ZNF804A: variants seen among roughly 807,000 people sequenced by gnomAD.
ZNF804A encodes zinc finger protein 804A.
In ZNF804A, 2 loss-of-function variants were observed where a neutral mutation model predicts 16.5. That is an observed-to-expected ratio of 0.12 (90% CI 0.05 to 0.38). The LOEUF is 0.38. Ranked by LOEUF, ZNF804A falls within the 10% of genes least tolerant of loss-of-function variation. ZNF804A has a pLI of 0.99. For synonymous variants in ZNF804A, 534 were observed against 489.6 expected (o/e 1.09, Z -1.20); for missense variants, 1,473 against 1,390.7 (o/e 1.06, Z -0.94).
chr2:184,784,253 T>TG (rs1163329424), intron 1 of ZNF804A, among the ~76,000 whole-genome samples: 6 of 151,898 alleles, frequency 4.0e-5, no homozygotes, highest in Admixed American at 3.3e-4. Context: ...AGGAGAGTAT[T>TG]GTGTTTCAGA....
chr2:184,669,159 G>GT (rs1277635857), intron 1 of ZNF804A, among the ~76,000 whole-genome samples: 1 of 151,936 alleles, frequency 6.6e-6, no homozygotes, highest in Admixed American at 6.6e-5. Flanking sequence ...AGTTTATATA[G>GT]TAAAAAACAT....
chr2:184,895,183 T>C (rs1028274883), intron 2 of ZNF804A, among the ~76,000 whole-genome samples: 1 of 151,792 alleles, frequency 6.6e-6, no homozygotes, highest in African/African-American at 2.4e-5. Context: ...GAAGCATCGG[T>C]CTTTTTATGC....
intron 1 of ZNF804A, among the ~76,000 whole-genome samples, chr2:184,681,331 A>G (rs1692535484): frequency 1.3e-5 from 2 of 152,198 alleles, no homozygotes; most frequent in Admixed American, 6.5e-5. Flanking sequence ...AAAAATATTA[A>G]AAGATTCTTA....
At chr2:184,757,089 T>C (rs1300318749) in intron 1 of ZNF804A, among the ~76,000 whole-genome samples, 1 of 152,092 alleles carries the variant, frequency 6.6e-6, no homozygotes, top group Non-Finnish European at 1.5e-5. Flanking sequence ...CATATTAATT[T>C]ATCTTACATG....
At chr2:184,658,836 G>C (rs949402187) in intron 1 of ZNF804A, among the ~76,000 whole-genome samples, 1 of 152,132 alleles carries the variant, frequency 6.6e-6, no homozygotes, top group African/African-American at 2.4e-5. Context: ...ATGTTTTCAG[G>C]CAAAACAAAC....
chr2:184,771,284 G>T, intron 1 of ZNF804A, among the ~76,000 whole-genome samples: 1 of 151,886 alleles, frequency 6.6e-6, no homozygotes, highest in African/African-American at 2.4e-5. Context: ...GAAAATATCA[G>T]CAATGTATAG....
intron 1 of ZNF804A, among the ~76,000 whole-genome samples, chr2:184,854,890 T>G (rs1695663147): frequency 6.6e-6 from 1 of 151,972 alleles, no homozygotes; most frequent in South Asian, 2.1e-4. Context: ...ATAAATTGAA[T>G]AGAAATGTGA....
At chr2:184,849,842 A>T (rs1158904268) in intron 1 of ZNF804A, among the ~76,000 whole-genome samples, 1 of 152,056 alleles carries the variant, frequency 6.6e-6, no homozygotes, top group Non-Finnish European at 1.5e-5. Flanking sequence ...ATGAATGGAT[A>T]AAGAAAATGG....
chr2:184,643,175 T>A (rs1574143996), intron 1 of ZNF804A, among the ~76,000 whole-genome samples: 1 of 152,208 alleles, frequency 6.6e-6, no homozygotes, highest in East Asian at 1.9e-4. Context: ...TTCATGCATT[T>A]AATAAATATT....
intron 1 of ZNF804A, among the ~76,000 whole-genome samples, chr2:184,838,560 CAT>C (rs1695389282): frequency 6.6e-6 from 1 of 152,050 alleles, no homozygotes; most frequent in Non-Finnish European, 1.5e-5. Flanking sequence ...GTCAGATCAA[CAT>C]AGAGAATAAC....
intron 2 of ZNF804A, among the ~76,000 whole-genome samples, chr2:184,905,523 A>G (rs893551777): frequency 5.3e-5 from 8 of 152,100 alleles, no homozygotes; most frequent in African/African-American, 1.9e-4. Flanking sequence ...TCGCTTTTCT[A>G]TCATTTAGTG....
chr2:184,656,413 G>A (rs1031244878), intron 1 of ZNF804A, among the ~76,000 whole-genome samples: 1 of 152,088 alleles, frequency 6.6e-6, no homozygotes, highest in Non-Finnish European at 1.5e-5. Flanking sequence ...AGGAAAATCT[G>A]AGGAGTATTT....
chr2:184,900,934 G>T (rs1241680497), intron 2 of ZNF804A, among the ~76,000 whole-genome samples: 1 of 152,082 alleles, frequency 6.6e-6, no homozygotes, highest in African/African-American at 2.4e-5. Context: ...TCCCTTTGTA[G>T]GACTTCAATG....
intron 2 of ZNF804A, among the ~76,000 whole-genome samples, chr2:184,887,148 A>C (rs1202856270): frequency 6.6e-6 from 1 of 152,134 alleles, no homozygotes; most frequent in Non-Finnish European, 1.5e-5. Flanking sequence ...ACTCTAAATC[A>C]TCTCTCTCAA....
In ZNF804A at chr2:184,883,462, A is replaced by T. The variant is rs893457245; in HGVS notation, c.255+16950A>T. Among the ~76,000 whole-genome samples, 5 of 152,028 alleles carry T rather than the reference A, an allele frequency of 3.3e-5. No homozygotes were observed. In the East Asian group the frequency reaches 9.6e-4, roughly 29 times the overall value. On this transcript the variant is annotated intron_variant, in intron 2 of 3. Coordinates refer to ENST00000302277, the MANE Select transcript of ZNF804A (RefSeq NM_194250.2). ...ATCTTGATATCAAAACCTGGCAGAGACACACACACAAAAAAGAAAATGTCA... is the reference window on the plus strand; with the variant it reads ...ATCTTGATATCAAAACCTGGCAGAGTCACACACACAAAAAAGAAAATGTCA...
intron 1 of ZNF804A, among the ~76,000 whole-genome samples, chr2:184,863,809 A>C: frequency 6.6e-6 from 1 of 152,258 alleles, no homozygotes; most frequent in African/African-American, 2.4e-5. Context: ...GTTTCCTTTA[A>C]ATTGACTAAT....
At chr2:184,667,017 A>T (rs189854172) in intron 1 of ZNF804A, among the ~76,000 whole-genome samples, 33 of 152,124 alleles carry the variant, frequency 2.2e-4, no homozygotes, top group Admixed American at 2.0e-3. Context: ...TATAATGTTG[A>T]GGGTATAGAA....
At chr2:184,886,379 G>T (rs1684890818) in intron 2 of ZNF804A, among the ~76,000 whole-genome samples, 1 of 152,192 alleles carries the variant, frequency 6.6e-6, no homozygotes, top group Non-Finnish European at 1.5e-5. Context: ...GCATTGGAGT[G>T]TCTGTGGCTT....
chr2:184,747,988 T>G (rs1030893084), intron 1 of ZNF804A, among the ~76,000 whole-genome samples: 5 of 151,652 alleles, frequency 3.3e-5, no homozygotes, highest in South Asian at 2.1e-4. Context: ...ATAATTTTTT[T>G]TATGGCTCCA....
Sources: gnomAD v4.1 joint callset for allele counts (sites outside exome capture counted in the v4.1 genomes callset) on GRCh38, gnomAD v4.1.1 for gene constraint, MANE v1.5 for transcripts, NCBI Gene and HGNC (gene_info 2026-07-23, HGNC 2026-07-21) for gene names.